The following IL23R variants were observed in gnomAD, a reference collection of about 807,000 sequenced individuals.
IL23R encodes the protein interleukin-23 receptor.
IL23R carries 34 observed loss-of-function variants against 56.9 expected under a neutral mutation model. The observed-to-expected ratio is 0.60, with a 90% CI of 0.45 to 0.80. The LOEUF (loss-of-function observed/expected upper bound fraction) is 0.80, where lower values mean the gene tolerates loss of function less well. Ranked by LOEUF, IL23R falls within the 30% of genes least tolerant of loss-of-function variation. The pLI, the probability that IL23R is intolerant of heterozygous loss-of-function variation, is 0.00. For missense variants in IL23R, 635 were observed against 730.0 expected, an observed-to-expected ratio of 0.87 and a Z score of 1.50; for synonymous variants, 230 against 249.2, an observed-to-expected ratio of 0.92 and a Z score of 0.73.
rs547738853 is a variant in IL23R at position 67,247,848 on chromosome 1, G to A, written c.1148+7567G>A. Among the ~76,000 whole-genome samples, 14 of 152,228 alleles carry A rather than the reference G, an allele frequency of 9.2e-5. No homozygotes were observed. The East Asian group carries it at 2.7e-3, about 29-fold the overall frequency. On this transcript the variant is annotated intron_variant, in intron 9 of 10. Transcript: ENST00000347310. The stretch of plus-strand genomic sequence containing the variant: ...TCTCAGCATTTGCTTGTCTGGAAAG[G>A]ATTTTATTTCTCCTTCGCTTATGAA...
At chr1:67,166,359 T>G (rs561547207), upstream of IL23R, 11 of 152,478 alleles carry the variant, frequency 7.2e-5, no homozygotes, top group African/African-American at 2.2e-4. Flanking sequence ...TTGGACAGTT[T>G]GAGTTCCTCT....
Position 67,248,300 on chromosome 1 carries a change from CTTTG to C in IL23R, c.1149-7532_1149-7529del, listed in dbSNP as rs533450581. Among the ~76,000 whole-genome samples the C allele has an allele frequency of 2.3e-3, 356 of 152,194 alleles. 2 individuals are homozygous for C. Among genetic ancestry groups the C allele is most frequent in the African/African-American group, 8.3e-3 (343 of 41,524 alleles). On this transcript the variant is annotated intron_variant, in intron 9 of 10. Transcript: ENST00000347310. Reference sequence around the variant, plus strand: ...CACATATTCCCATATTTCTTGGAGGCTTTGTTTGATTCTTTTCATTCTTTTTTCT... The same window carrying C: ...CACATATTCCCATATTTCTTGGAGGCTTTGATTCTTTTCATTCTTTTTTCT...
intron 9 of IL23R, among the ~76,000 whole-genome samples, chr1:67,253,137 A>T (rs747257719): frequency 4.6e-5 from 7 of 152,218 alleles, no homozygotes; most frequent in Admixed American, 1.3e-4. Context: ...AGCTTGAATC[A>T]GTGTGAAGGG....
intron 1 of IL23R, among the ~76,000 whole-genome samples, chr1:67,146,938 T>C (rs1186402347): frequency 1.3e-5 from 2 of 152,198 alleles, no homozygotes; most frequent in African/African-American, 4.8e-5. Flanking sequence ...CCCCGGTCCA[T>C]AGGGATGGGC....
chr1:67,264,689 G>A (rs1242617847), downstream of IL23R, among the ~76,000 whole-genome samples: 2 of 152,152 alleles, frequency 1.3e-5, no homozygotes, highest in Non-Finnish European at 2.9e-5. Context: ...CCCAATTAAT[G>A]TTTTATGTTA....
At chr1:67,235,296 T>G (rs1651396727) in intron 7 of IL23R, among the ~76,000 whole-genome samples, 1 of 152,234 alleles carries the variant, frequency 6.6e-6, no homozygotes, top group South Asian at 2.1e-4. Context: ...CTTTTGGCTT[T>G]TCTGATGTTT....
chr1:67,212,836 C>T (rs957200744), intron 6 of IL23R, among the ~76,000 whole-genome samples: 136 of 151,990 alleles, frequency 8.9e-4, no homozygotes, highest in African/African-American at 2.8e-3. Flanking sequence ...ATTACAGGCA[C>T]GAGCCACTGC....
rs1174771016 is a variant in IL23R, at chr1:67,168,077, A to G, written c.-29-15A>G. 7.5e-7 allele frequency: 1 copy of G among 1,335,046 alleles called. No homozygotes were observed. The allele number at this position is 1,335,046 out of a possible 1,614,324, so 82.7% of individuals were successfully genotyped here. A position where few individuals can be genotyped will look rare whatever the true frequency, so the allele number is the denominator to read the frequency against. On this transcript the variant is annotated splice_polypyrimidine_tract_variant and intron_variant, in intron 1 of 10. Coordinates refer to ENST00000347310, the MANE Select transcript of IL23R (RefSeq NM_144701.3). ...AAATACTACAATTTAAACATTTTTC[A>G]TATTTTTTTTCCAGAGGGAAACAGT...
At chr1:67,228,006 CTT>C (rs1175564102) in intron 7 of IL23R, among the ~76,000 whole-genome samples, 5 of 100,224 alleles carry the variant, frequency 5.0e-5, no homozygotes, top group African/African-American at 2.1e-4. Flanking sequence ...TTCTTTCTTT[CTT>C]TCTTTCTTTC....
chr1:67,249,607 C>A (rs1006938953), intron 9 of IL23R, among the ~76,000 whole-genome samples: 4 of 151,826 alleles, frequency 2.6e-5, no homozygotes, highest in Non-Finnish European at 4.4e-5. Flanking sequence ...TATTATTTAA[C>A]CTGAAGAAGA....
chr1:67,265,417 A>G, the IL23R span, among the ~76,000 whole-genome samples: 199 of 152,338 alleles, frequency 1.3e-3, 1 homozygote, highest in African/African-American at 4.6e-3. Context: ...TTTTATTTAA[A>G]TGATAAAATA....
intron 9 of IL23R, among the ~76,000 whole-genome samples, chr1:67,241,351 G>A (rs978126899): frequency 6.6e-6 from 1 of 152,162 alleles, no homozygotes. Flanking sequence ...GTCTGTTCTA[G>A]GATCTATGTG....
chr1:67,195,560 ATCCAAG>A (rs796407048), intron 4 of IL23R, among the ~76,000 whole-genome samples: 6 of 152,192 alleles, frequency 3.9e-5, no homozygotes, highest in African/African-American at 1.4e-4. Flanking sequence ...TGTCTCTAAA[ATCCAAG>A]CCCTGTGATT....
intron 9 of IL23R, among the ~76,000 whole-genome samples, chr1:67,244,386 C>A (rs1652056068): frequency 6.6e-6 from 1 of 152,110 alleles, no homozygotes; most frequent in African/African-American, 2.4e-5. Flanking sequence ...ACTCTTTGCC[C>A]ATGCCTATGT....
intron 9 of IL23R, among the ~76,000 whole-genome samples, chr1:67,255,359 G>C (rs142070941): frequency 3.8e-4 from 58 of 152,228 alleles, no homozygotes; most frequent in Middle Eastern, 3.4e-3. Context: ...AATCTGAAAA[G>C]ATAATGACAC....
intron 1 of IL23R, among the ~76,000 whole-genome samples, chr1:67,146,487 C>G (rs555205788): frequency 6.6e-6 from 1 of 152,260 alleles, no homozygotes; most frequent in East Asian, 1.9e-4. Flanking sequence ...ACCCCCTTCA[C>G]TCTAGGACTC....
At chr1:67,247,074 C>T (rs913701740) in intron 9 of IL23R, among the ~76,000 whole-genome samples, 2 of 151,792 alleles carry the variant, frequency 1.3e-5, no homozygotes, top group Non-Finnish European at 2.9e-5. Flanking sequence ...TAATGCCCTT[C>T]TTTGTCTCTT....
Position 67,236,759 on chromosome 1 carries a change from T to C in IL23R, c.1002T>C (p.Ser334=). 6.2e-7 allele frequency: 1 copy of C among 1,613,832 alleles called. No homozygotes were observed. The highest frequency in any genetic ancestry group is 8.5e-7 in the Non-Finnish European group (1 of 1,179,702). ...CATTCCAACATGACACATGGAATTC[T>C]GGGCTAACAGTTGCTTCCATCTCTA... The part of the protein sequence containing the change: ...SKAFQHDTWN[S]GLTVASISTG... The change falls in exon 8 of 11, where the codon TCT becomes TCC. Residue 334 remains serine, a synonymous_variant. Coordinates refer to ENST00000347310, the MANE Select transcript of IL23R (RefSeq NM_144701.3).
intron 5 of IL23R, among the ~76,000 whole-genome samples, chr1:67,201,607 C>T (rs896919000): frequency 3.4e-5 from 5 of 148,948 alleles, no homozygotes; most frequent in South Asian, 4.2e-4. Context: ...TTGAGTCTTA[C>T]GTTGTGAAAA....
Sources: gnomAD v4.1 joint callset for allele counts (sites outside exome capture counted in the v4.1 genomes callset) on GRCh38, gnomAD v4.1.1 for gene constraint, MANE v1.5 for transcripts, NCBI Gene and HGNC (gene_info 2026-07-23, HGNC 2026-07-21) for gene names.